SLC2A13: variants seen among roughly 807,000 people sequenced by gnomAD.
The protein encoded by SLC2A13 is proton myo-inositol cotransporter.
Under a neutral mutation model 64.4 loss-of-function variants are expected in SLC2A13, and 32 were observed. The observed-to-expected ratio is 0.50, with a 90% confidence interval of 0.37 to 0.67. SLC2A13 has a LOEUF of 0.67. Ranked by LOEUF, SLC2A13 falls within the 30% of genes least tolerant of loss-of-function variation. SLC2A13 has a pLI of 0.00. For synonymous variants in SLC2A13, 338 were observed against 327.1 expected (o/e 1.03, Z -0.36); for missense variants, 743 against 829.2 (o/e 0.90, Z 1.28).
At chr12:39,914,839 T>C (rs576648713) in intron 4 of SLC2A13, among the ~76,000 whole-genome samples, 2 of 151,968 alleles carry the variant, frequency 1.3e-5, no homozygotes, top group African/African-American at 4.8e-5. Flanking sequence ...GATAAAACTA[T>C]AAACTAATAG....
intron 1 of SLC2A13, among the ~76,000 whole-genome samples, chr12:40,055,461 C>T (rs1170317489): frequency 6.6e-6 from 1 of 152,168 alleles, no homozygotes; most frequent in African/African-American, 2.4e-5. Flanking sequence ...GAGCCTGTAT[C>T]ACGTTTGTCT....
At chr12:39,980,510 C>G (rs2136147155) in intron 3 of SLC2A13, among the ~76,000 whole-genome samples, 1 of 151,586 alleles carries the variant, frequency 6.6e-6, no homozygotes, top group African/African-American at 2.4e-5. Context: ...CAAAAAAAGG[C>G]AGGGGTTGCA....
At chr12:40,088,499 T>C (rs1449911476) in intron 1 of SLC2A13, among the ~76,000 whole-genome samples, 1 of 152,170 alleles carries the variant, frequency 6.6e-6, no homozygotes, top group Admixed American at 6.6e-5. Context: ...AAAGTAACCA[T>C]TACCTCAACA....
intron 3 of SLC2A13, among the ~76,000 whole-genome samples, chr12:39,986,599 T>C (rs938669286): frequency 3.9e-5 from 6 of 152,096 alleles, no homozygotes; most frequent in South Asian, 2.1e-4. Flanking sequence ...CGGTGACTGA[T>C]TGCTATAAAA....
In SLC2A13 at chr12:39,764,506, C is replaced by T. The variant is rs142497167; in HGVS notation, c.1674G>A (p.Leu558=). Residue 558 remains leucine (L), a synonymous_variant, in exon 9 of 10, where the codon CTG becomes CTA. Coordinates refer to ENST00000280871, the MANE Select transcript of SLC2A13 (RefSeq NM_052885.4). The part of the protein sequence containing the change: ...SSGINWIFNV[L]VSLTFLHTAE... Reference sequence around the variant, plus strand: ...CTGTGTGTAAAAATGTTAGTGAAACCAGGACATTGAAAATCCAGTTTATTC... The same window carrying T: ...CTGTGTGTAAAAATGTTAGTGAAACTAGGACATTGAAAATCCAGTTTATTC... 1.9e-6 allele frequency: 3 copies of T among 1,610,292 alleles called. No individual in the cohort carries two copies. The highest frequency in any genetic ancestry group is 2.7e-5 in the African/African-American group (2 of 74,704).
chr12:39,896,267 T>C lies in SLC2A13; in HGVS notation c.1035-24306A>G, dbSNP rs925287362. 5.9e-5 allele frequency among the ~76,000 whole-genome samples: 8 copies of C among 134,822 alleles called. 1 individual carries two copies. The highest frequency in any genetic ancestry group is 2.2e-4 in the African/African-American group (8 of 36,858). The allele number at this position is 134,822 out of a possible 152,430, so 88.4% of individuals were successfully genotyped here. ...ATGTATACATGTATGTATATGTGTG[T>C]ATATATGTATACATGTATGTATATG... On this transcript the variant is annotated intron_variant, in intron 4 of 9. Coordinates refer to ENST00000280871, the MANE Select transcript of SLC2A13 (RefSeq NM_052885.4).
chr12:40,077,388 A>AT (rs1938216983), intron 1 of SLC2A13, among the ~76,000 whole-genome samples: 1 of 152,176 alleles, frequency 6.6e-6, no homozygotes, highest in Admixed American at 6.5e-5. Flanking sequence ...AGCTCTTCAA[A>AT]CACCATTTAT....
chr12:40,062,324 C>A (rs1948435815), intron 1 of SLC2A13, among the ~76,000 whole-genome samples: 1 of 151,606 alleles, frequency 6.6e-6, no homozygotes, highest in Non-Finnish European at 1.5e-5. Flanking sequence ...GAGCAGAAAT[C>A]AAGATTATTA....
At chr12:39,789,446 A>G (rs180727573) in intron 7 of SLC2A13, among the ~76,000 whole-genome samples, 189 of 152,306 alleles carry the variant, frequency 1.2e-3, no homozygotes, top group Non-Finnish European at 2.0e-3. Context: ...TCCCTGATGT[A>G]TACATCCCCC....
At chr12:39,810,639 G>T (rs1420826046) in intron 7 of SLC2A13, among the ~76,000 whole-genome samples, 1 of 152,076 alleles carries the variant, frequency 6.6e-6, no homozygotes, top group African/African-American at 2.4e-5. Flanking sequence ...TCAGGTCGAG[G>T]AAGTTTCCTT....
At chr12:39,887,618 G>A (rs1224023138) in intron 4 of SLC2A13, among the ~76,000 whole-genome samples, 1 of 152,194 alleles carries the variant, frequency 6.6e-6, no homozygotes, top group African/African-American at 2.4e-5. Context: ...GAGGGTAGAC[G>A]TCCTTCTTCT....
intron 3 of SLC2A13, among the ~76,000 whole-genome samples, chr12:39,979,097 C>T (rs1167416555): frequency 2.6e-5 from 4 of 151,754 alleles, no homozygotes; most frequent in African/African-American, 7.3e-5. Context: ...TTCCAACAGA[C>T]CTGCAGCTGA....
rs148177483 is a variant in SLC2A13 at position 39,908,972 on chromosome 12, A to T, written c.1035-37011T>A. ...AGATGGGCTATATCAGGATTTAAAA[A>T]ATTAATAAGCATAAAGAAAGAGTTT... On this transcript the variant is annotated intron_variant, in intron 4 of 9. Coordinates refer to ENST00000280871, the MANE Select transcript of SLC2A13 (RefSeq NM_052885.4). 2.8e-3 allele frequency among the ~76,000 whole-genome samples: 424 copies of T among 151,950 alleles called. 1 individual carries two copies. The highest frequency in any genetic ancestry group is 4.9e-3 in the Non-Finnish European group (336 of 67,902).
intron 4 of SLC2A13, among the ~76,000 whole-genome samples, chr12:39,873,336 A>C (rs994861125): frequency 1.3e-5 from 2 of 152,224 alleles, no homozygotes; most frequent in African/African-American, 4.8e-5. Flanking sequence ...CAGAGTGTAA[A>C]GTGATGATAA....
intron 4 of SLC2A13, among the ~76,000 whole-genome samples, chr12:39,944,191 A>AAT (rs1242965942): frequency 6.6e-6 from 1 of 152,190 alleles, no homozygotes; most frequent in Non-Finnish European, 1.5e-5. Context: ...GTTTTATTCC[A>AAT]CTGTGATTTG....
chr12:39,984,956 C>G (rs576705063), intron 3 of SLC2A13, among the ~76,000 whole-genome samples: 1 of 152,086 alleles, frequency 6.6e-6, no homozygotes, highest in Admixed American at 6.5e-5. Flanking sequence ...AAGAATCTGA[C>G]AATGATTTTT....
chr12:39,929,898 A>T (rs1400258095), intron 4 of SLC2A13, among the ~76,000 whole-genome samples: 1 of 152,080 alleles, frequency 6.6e-6, no homozygotes. Flanking sequence ...TGGGATGCTG[A>T]GGAGGACGGA....
intron 3 of SLC2A13, among the ~76,000 whole-genome samples, chr12:39,964,636 A>T (rs1356717566): frequency 6.6e-6 from 1 of 152,222 alleles, no homozygotes; most frequent in Non-Finnish European, 1.5e-5. Context: ...TACAAGGAAG[A>T]TGCATACATG....
chr12:39,893,657 G>C (rs951263094), intron 4 of SLC2A13, among the ~76,000 whole-genome samples: 2 of 152,120 alleles, frequency 1.3e-5, no homozygotes, highest in Non-Finnish European at 2.9e-5. Context: ...TAAGATAAAA[G>C]TTAAATTCTA....
Sources: gnomAD v4.1 joint callset for allele counts (sites outside exome capture counted in the v4.1 genomes callset) on GRCh38, gnomAD v4.1.1 for gene constraint, MANE v1.5 for transcripts, NCBI Gene and HGNC (gene_info 2026-07-23, HGNC 2026-07-21) for gene names.